RNF217: variants seen among roughly 807,000 people sequenced by gnomAD.
The protein encoded by RNF217 is ring finger protein 217, also known as E3 ubiquitin-protein ligase RNF217.
In RNF217, 31 loss-of-function variants were observed where a neutral mutation model predicts 57.8. The observed-to-expected ratio is 0.54, with a 90% CI of 0.40 to 0.72. RNF217 has a LOEUF of 0.72. Ranked by LOEUF, RNF217 falls within the 30% of genes least tolerant of loss-of-function variation. RNF217 has a pLI of 0.00. For synonymous variants in RNF217, 313 were observed against 294.0 expected (o/e 1.06, Z -0.66); for missense variants, 696 against 708.3 (o/e 0.98, Z 0.20).
At chr6:124,979,165 A>G (rs1433034291) in intron 1 of RNF217, among the ~76,000 whole-genome samples, 1 of 152,074 alleles carries the variant, frequency 6.6e-6, no homozygotes, top group Admixed American at 6.5e-5. Flanking sequence ...TTCACCAAGG[A>G]CCTGACCCTG....
chr6:125,051,523 G>A (rs1212670594), intron 2 of RNF217, among the ~76,000 whole-genome samples: 3 of 151,970 alleles, frequency 2.0e-5, no homozygotes, highest in Non-Finnish European at 4.4e-5. Context: ...CACAGTGCAC[G>A]GATCCCCTCT....
In RNF217 at chr6:124,994,818, T is replaced by G. The variant is rs568947051; in HGVS notation, c.882+31392T>G. Among the ~76,000 whole-genome samples, 23 of 152,342 alleles carry G rather than the reference T, an allele frequency of 1.5e-4. 1 individual carries two copies. Among genetic ancestry groups the G allele is most frequent in the Admixed American group, 6.5e-5 (1 of 15,302 alleles). On this transcript the variant is annotated intron_variant, in intron 1 of 5. Coordinates refer to ENST00000521654, the MANE Select transcript of RNF217 (RefSeq NM_001286398.3). Reference sequence around the variant, plus strand: ...CTTGAAAAACTGTACACCTGTTACTTGAGCCTGAATTTTATAGCTCCGTGG... The same window carrying G: ...CTTGAAAAACTGTACACCTGTTACTGGAGCCTGAATTTTATAGCTCCGTGG...
At chr6:125,014,638 C>T (rs1785537716) in intron 1 of RNF217, among the ~76,000 whole-genome samples, 2 of 152,090 alleles carry the variant, frequency 1.3e-5, no homozygotes, top group Non-Finnish European at 2.9e-5. Context: ...AGTTCAAAAT[C>T]ACACACACTA....
Position 125,087,123 on chromosome 6 carries a change from C to T in RNF217, c.*4186C>T, listed in dbSNP as rs1274144712. ...GGAAACATTAGAATTCCTTCCTGAC[C>T]TTTGTCAAATGAGGGCACATCTGCC... On this transcript the variant is annotated 3_prime_UTR_variant, in exon 6 of 6. Coordinates refer to ENST00000521654, the MANE Select transcript of RNF217 (RefSeq NM_001286398.3). The T allele has an allele frequency of 6.6e-6, 1 of 152,092 alleles. No homozygotes were observed. Among genetic ancestry groups the T allele is most frequent in the South Asian group, 2.1e-4 (1 of 4,830 alleles). 9.4% of individuals were successfully genotyped at this position (152,092 alleles called of 1,614,324 possible). A position where few individuals can be genotyped will look rare whatever the true frequency, so the allele number is the denominator to read the frequency against.
chr6:125,056,986 C>T (rs1787548223), intron 2 of RNF217, among the ~76,000 whole-genome samples: 1 of 152,162 alleles, frequency 6.6e-6, no homozygotes, highest in Admixed American at 6.5e-5. Context: ...AATATGAAGG[C>T]CCGTTTCTGA....
At chr6:125,065,492 A>G (rs1413185502) in intron 3 of RNF217, among the ~76,000 whole-genome samples, 11 of 152,104 alleles carry the variant, frequency 7.2e-5, no homozygotes, top group Non-Finnish European at 1.6e-4. Flanking sequence ...TGCCAGCCCC[A>G]CCATCTTTGT....
At chr6:125,079,693 G>T (rs1268909882) in intron 4 of RNF217, among the ~76,000 whole-genome samples, 1 of 152,010 alleles carries the variant, frequency 6.6e-6, no homozygotes, top group Non-Finnish European at 1.5e-5. Flanking sequence ...CTTTTGCAAA[G>T]AAATTTGATA....
At chr6:125,068,629 T>C (rs756850555) in intron 3 of RNF217, among the ~76,000 whole-genome samples, 2 of 152,218 alleles carry the variant, frequency 1.3e-5, no homozygotes, top group Admixed American at 6.5e-5. Flanking sequence ...CTTATGCATA[T>C]ATATTTGTTT....
At chr6:125,048,064 T>C (rs754560646) in intron 2 of RNF217, 35 of 507,288 alleles carry the variant, frequency 6.9e-5, no homozygotes, top group Middle Eastern at 3.4e-4. Context: ...GTGTAAAGTT[T>C]ATATAACATT....
At chr6:125,030,207 G>A (rs754073945) in intron 1 of RNF217, among the ~76,000 whole-genome samples, 11 of 152,084 alleles carry the variant, frequency 7.2e-5, no homozygotes, top group Non-Finnish European at 1.6e-4. Context: ...CCCACAACAC[G>A]TAGGAATTCT....
chr6:125,047,438 A>C (rs1292665101), intron 2 of RNF217, among the ~76,000 whole-genome samples: 2 of 152,100 alleles, frequency 1.3e-5, no homozygotes, highest in African/African-American at 4.8e-5. Context: ...AAATTGACAA[A>C]TAGAAGATTC....
intron 1 of RNF217, among the ~76,000 whole-genome samples, chr6:125,019,308 A>G (rs571614915): frequency 1.3e-5 from 2 of 152,300 alleles, no homozygotes; most frequent in South Asian, 4.1e-4. Flanking sequence ...ATGCTCCTAC[A>G]TTAGAGATTG....
intron 4 of RNF217, 52 bp downstream of exon 4, chr6:125,076,910 A>G (rs181640714): frequency 6.7e-7 from 1 of 1,498,588 alleles, no homozygotes; most frequent in East Asian, 2.3e-5. Flanking sequence ...AAGTAGTGAA[A>G]ATAGAACTTG....
rs1478973975 is a variant in RNF217 at position 125,083,664 on chromosome 6, G to C, written c.*727G>C. 1 of 151,950 alleles carries C rather than the reference G, an allele frequency of 6.6e-6. No homozygotes were observed. The highest frequency in any genetic ancestry group is 6.6e-5 in the Admixed American group (1 of 15,220). The allele number at this position is 151,950 out of a possible 1,614,324, so 9.4% of individuals were successfully genotyped here. A position where few individuals can be genotyped will look rare whatever the true frequency, so the allele number is the denominator to read the frequency against. On this transcript the variant is annotated 3_prime_UTR_variant, in exon 6 of 6. Coordinates refer to ENST00000521654, the MANE Select transcript of RNF217 (RefSeq NM_001286398.3). ...TTCATAGACCTATTGAAAGATGATG[G>C]CTCCTTTGTGGACATAATTTAGCAA...
At chr6:125,004,361 T>C (rs1384784129) in intron 1 of RNF217, among the ~76,000 whole-genome samples, 30 of 152,204 alleles carry the variant, frequency 2.0e-4, no homozygotes, top group Admixed American at 2.0e-3. Flanking sequence ...CCATTACTTA[T>C]GCCCTTACCC....
At chr6:125,046,185 T>A (rs1299392502) in intron 2 of RNF217, among the ~76,000 whole-genome samples, 1 of 152,116 alleles carries the variant, frequency 6.6e-6, no homozygotes, top group Non-Finnish European at 1.5e-5. Flanking sequence ...GCCAGGCTTC[T>A]TGTAATCAAG....
chr6:125,002,384 T>G (rs1208064559), intron 1 of RNF217, among the ~76,000 whole-genome samples: 1 of 152,190 alleles, frequency 6.6e-6, no homozygotes, highest in Non-Finnish European at 1.5e-5. Flanking sequence ...TTACTTTTAA[T>G]TACTGCCCTA....
intron 1 of RNF217, among the ~76,000 whole-genome samples, chr6:125,012,732 G>A (rs1333318230): frequency 6.6e-6 from 1 of 152,108 alleles, no homozygotes; most frequent in Admixed American, 6.6e-5. Context: ...ATGTGCAAGT[G>A]TCACTAATAT....
At chr6:125,037,914 CAG>C (rs1403630141) in intron 1 of RNF217, among the ~76,000 whole-genome samples, 1 of 152,130 alleles carries the variant, frequency 6.6e-6, no homozygotes, top group African/African-American at 2.4e-5. Flanking sequence ...CAACCATGAT[CAG>C]AGTCATAAAC....
Sources: allele counts gnomAD v4.1 joint callset (sites outside exome capture counted in the v4.1 genomes callset), GRCh38; gene constraint gnomAD v4.1.1; transcripts MANE v1.5; gene names NCBI Gene and HGNC (gene_info 2026-07-23, HGNC 2026-07-21).